Variants in AOPEP observed in about 807,000 individuals in gnomAD.
AOPEP encodes aminopeptidase O.
A neutral mutation model predicts 98.1 loss-of-function variants in AOPEP; 77 were observed. The observed-to-expected ratio is 0.78, with a 90% CI of 0.65 to 0.95. The LOEUF (loss-of-function observed/expected upper bound fraction) is 0.95, where lower values mean the gene tolerates loss of function less well. Among genes scored for constraint, AOPEP ranks in the 40% least tolerant of loss-of-function variants. The probability of loss-of-function intolerance (pLI) is 0.00; values close to 1 mark genes in which losing one functional copy is unlikely to be tolerated. For synonymous variants in AOPEP, 346 were observed against 365.3 expected (o/e 0.95, Z 0.60); for missense variants, 1,024 against 1,024.7 (o/e 1.00, Z 0.01).
chr9:94,731,667 A>G (rs1484629609), intron 1 of AOPEP, among the ~76,000 whole-genome samples: 1 of 150,700 alleles, frequency 6.6e-6, no homozygotes, highest in Admixed American at 6.6e-5. Flanking sequence ...GTTCTTTTGC[A>G]TTTGGGCATC....
intron 5 of AOPEP, among the ~76,000 whole-genome samples, chr9:94,903,126 A>G (rs1440160505): frequency 2.0e-5 from 3 of 151,398 alleles, no homozygotes; most frequent in Non-Finnish European, 4.4e-5. Flanking sequence ...GATTACAGGC[A>G]CCTGCCACCA....
the AOPEP span, chr9:95,135,620 A>G: frequency 1.3e-6 from 1 of 794,032 alleles, no homozygotes; most frequent in African/African-American, 1.7e-5. Flanking sequence ...TCATGGTCAC[A>G]GCAGTGGCTA....
chr9:94,826,531 C>G (rs1259889402), intron 5 of AOPEP, among the ~76,000 whole-genome samples: 1 of 152,148 alleles, frequency 6.6e-6, no homozygotes, highest in Admixed American at 6.5e-5. Flanking sequence ...CAGTAAGTAG[C>G]TTTAGGTGGG....
At chr9:95,028,685 T>C (rs575839883) in intron 13 of AOPEP, among the ~76,000 whole-genome samples, 2 of 152,324 alleles carry the variant, frequency 1.3e-5, no homozygotes, top group African/African-American at 4.8e-5. Flanking sequence ...GCTGCTTCAG[T>C]TTGCATTAAC....
At chr9:94,766,975 T>G (rs1472851421) in intron 2 of AOPEP, among the ~76,000 whole-genome samples, 1 of 152,290 alleles carries the variant, frequency 6.6e-6, no homozygotes, top group East Asian at 1.9e-4. Context: ...CAAAACCAGA[T>G]GTTAAAACAT....
the AOPEP span, among the ~76,000 whole-genome samples, chr9:95,141,370 T>C: frequency 6.8e-6 from 1 of 147,470 alleles, no homozygotes; most frequent in Non-Finnish European, 1.5e-5. Flanking sequence ...GTTTCCATCA[T>C]GGATAAACAA....
intron 2 of AOPEP, among the ~76,000 whole-genome samples, chr9:94,770,442 A>G (rs1456574012): frequency 1.3e-5 from 2 of 152,344 alleles, no homozygotes; most frequent in African/African-American, 2.4e-5. Context: ...GCAAGGTTAC[A>G]GTCCAGCTGT....
At chr9:95,097,285 A>AT in the AOPEP span, among the ~76,000 whole-genome samples, 1 of 152,188 alleles carries the variant, frequency 6.6e-6, no homozygotes, top group South Asian at 2.1e-4. Flanking sequence ...AGACATTTTT[A>AT]TTGTCTCCAT....
chr9:95,023,323 C>T (rs1424489828), intron 13 of AOPEP, among the ~76,000 whole-genome samples: 1 of 152,170 alleles, frequency 6.6e-6, no homozygotes, highest in Non-Finnish European at 1.5e-5. Context: ...GGAACATCAG[C>T]GTGGCGGATG....
chr9:94,761,904 T>G (rs2132511099), intron 2 of AOPEP, among the ~76,000 whole-genome samples: 1 of 152,314 alleles, frequency 6.6e-6, no homozygotes, highest in Non-Finnish European at 1.5e-5. Flanking sequence ...GATGGGAATT[T>G]CAATACAATA....
At chr9:95,138,210 G>A in the AOPEP span, among the ~76,000 whole-genome samples, 1 of 152,250 alleles carries the variant, frequency 6.6e-6, no homozygotes, top group East Asian at 1.9e-4. Context: ...TGAAGCCAGG[G>A]CGGCTGAGGT....
intron 5 of AOPEP, among the ~76,000 whole-genome samples, chr9:94,810,590 C>T (rs1850333551): frequency 6.6e-6 from 1 of 152,138 alleles, no homozygotes; most frequent in Admixed American, 6.6e-5. Flanking sequence ...GCTGGGATTA[C>T]AGGCGTCAGC....
chr9:94,883,992 C>T lies in AOPEP; in HGVS notation c.1365-39994C>T, dbSNP rs1341519977. On this transcript the variant is annotated intron_variant, in intron 5 of 16. Transcript: ENST00000375315. ...CCCCTTGATCCATCAGGACTAGACC[C>T]CAAGATAGAGTTTCCTCATGGGTTG... Among the ~76,000 whole-genome samples the T allele has an allele frequency of 2.6e-5, 4 of 152,116 alleles. No homozygotes were observed. In the East Asian group the frequency reaches 7.7e-4, roughly 29 times the overall value.
the AOPEP span, among the ~76,000 whole-genome samples, chr9:95,129,522 G>C: frequency 6.6e-6 from 1 of 152,210 alleles, no homozygotes; most frequent in African/African-American, 2.4e-5. Flanking sequence ...TAACACACCA[G>C]AGGTCACGCT....
chr9:94,923,658 T>C (rs188856559), intron 5 of AOPEP, among the ~76,000 whole-genome samples: 1 of 152,364 alleles, frequency 6.6e-6, no homozygotes, highest in African/African-American at 2.4e-5. Flanking sequence ...GCTCTTCTTT[T>C]ACAGTCCAGA....
At chr9:95,126,034 G>C in the AOPEP span, among the ~76,000 whole-genome samples, 4 of 152,226 alleles carry the variant, frequency 2.6e-5, no homozygotes, top group Non-Finnish European at 5.9e-5. Flanking sequence ...TTCCCAAGAA[G>C]TACTCATATT....
chr9:95,132,686 T>A, the AOPEP span, among the ~76,000 whole-genome samples: 1 of 152,302 alleles, frequency 6.6e-6, no homozygotes, highest in African/African-American at 2.4e-5. Flanking sequence ...TTATTTTAGA[T>A]GTTAAATACA....
intron 13 of AOPEP, among the ~76,000 whole-genome samples, chr9:95,010,879 C>A (rs1359187357): frequency 2.0e-5 from 3 of 152,180 alleles, no homozygotes; most frequent in Non-Finnish European, 4.4e-5. Context: ...GGAGTAATTA[C>A]AGTGCTGTTA....
At chr9:94,824,819 C>T (rs1482246277) in intron 5 of AOPEP, 1 of 149,608 alleles carries the variant, frequency 6.7e-6, no homozygotes, top group African/African-American at 2.5e-5. Flanking sequence ...TTGCTCTTTA[C>T]TTTTTGTAAT....
Sources: allele counts gnomAD v4.1 joint callset (sites outside exome capture counted in the v4.1 genomes callset), GRCh38; gene constraint gnomAD v4.1.1; transcripts MANE v1.5; gene names NCBI Gene and HGNC (gene_info 2026-07-23, HGNC 2026-07-21).